The following SPRR2G variants were observed in gnomAD, a reference collection of about 807,000 sequenced individuals.
SPRR2G encodes the protein small proline rich protein 2G, also known as small proline-rich protein 2G.
SPRR2G carries 1 observed loss-of-function variant against 0.7 expected under a neutral mutation model. The ratio of observed to expected loss-of-function variants is 1.49; its 90% CI spans 0.53 to 7.06. The LOEUF is 7.06. SPRR2G is among the 30% of genes most tolerant of loss of function. The probability of loss-of-function intolerance (pLI) is 0.14; values close to 1 mark genes in which losing one functional copy is unlikely to be tolerated. For missense variants in SPRR2G, 96 were observed against 88.5 expected (o/e 1.09, Z -0.34); for synonymous variants, 38 against 33.9 (o/e 1.12, Z -0.42).
the SPRR2G span, among the ~76,000 whole-genome samples, chr1:153,179,322 G>A: frequency 5.3e-5 from 8 of 152,116 alleles, no homozygotes; most frequent in African/African-American, 1.9e-4. Flanking sequence ...ACTAGGGACT[G>A]TCATGCAGCC....
At chr1:153,155,314 T>G (rs1656560373), upstream of SPRR2G, among the ~76,000 whole-genome samples, 1 of 152,144 alleles carries the variant, frequency 6.6e-6, no homozygotes, top group Admixed American at 6.6e-5. Context: ...CCTCCAGTAT[T>G]CTCTATCCTG....
the SPRR2G span, among the ~76,000 whole-genome samples, chr1:153,192,468 G>A: frequency 6.6e-6 from 1 of 152,088 alleles, no homozygotes; most frequent in Admixed American, 6.5e-5. Context: ...AAAATTTCAA[G>A]AACAATCAAG....
the SPRR2G span, among the ~76,000 whole-genome samples, chr1:153,165,093 G>A: frequency 7.7e-4 from 118 of 152,272 alleles, no homozygotes; most frequent in African/African-American, 2.2e-3. Flanking sequence ...CCTGGCAGGA[G>A]CTGAAAATCA....
chr1:153,200,311 G>A, the SPRR2G span, among the ~76,000 whole-genome samples: 1 of 152,198 alleles, frequency 6.6e-6, no homozygotes, highest in Non-Finnish European at 1.5e-5. Context: ...TTGAGTTGGA[G>A]AAGTGGGATT....
chr1:153,171,328 T>C, the SPRR2G span, among the ~76,000 whole-genome samples: 1 of 152,188 alleles, frequency 6.6e-6, no homozygotes, highest in Non-Finnish European at 1.5e-5. Context: ...AAATAACAAT[T>C]ACAGCTACTA....
At chr1:153,177,466 A>G in the SPRR2G span, among the ~76,000 whole-genome samples, 1 of 152,182 alleles carries the variant, frequency 6.6e-6, no homozygotes. Context: ...TCATACTAGC[A>G]CTGTATGAGA....
the SPRR2G span, among the ~76,000 whole-genome samples, chr1:153,168,976 TG>T: frequency 6.6e-6 from 1 of 151,326 alleles, no homozygotes; most frequent in African/African-American, 2.4e-5. Flanking sequence ...AAATCAGCCT[TG>T]AGAAACAAAA....
chr1:153,155,347 C>T (rs1356303717), upstream of SPRR2G, among the ~76,000 whole-genome samples: 3 of 152,172 alleles, frequency 2.0e-5, no homozygotes, highest in African/African-American at 7.2e-5. Context: ...CACCCAGCTA[C>T]TTGAGTTACC....
the SPRR2G span, among the ~76,000 whole-genome samples, chr1:153,156,338 C>G: frequency 6.6e-6 from 1 of 152,200 alleles, no homozygotes; most frequent in South Asian, 2.1e-4. Flanking sequence ...AGAGCCTTGA[C>G]TATTTAGATT....
the SPRR2G span, among the ~76,000 whole-genome samples, chr1:153,188,907 A>G: frequency 6.6e-6 from 1 of 152,188 alleles, no homozygotes; most frequent in South Asian, 2.1e-4. Context: ...TAGGGACGGT[A>G]GTTCCCCACC....
At chr1:153,169,980 T>C in the SPRR2G span, among the ~76,000 whole-genome samples, 4 of 152,244 alleles carry the variant, frequency 2.6e-5, no homozygotes, top group African/African-American at 9.6e-5. Flanking sequence ...AATTTCATCA[T>C]TCTTCAGTTC....
chr1:153,167,597 G>C, the SPRR2G span, among the ~76,000 whole-genome samples: 1 of 152,150 alleles, frequency 6.6e-6, no homozygotes, highest in Non-Finnish European at 1.5e-5. Context: ...TTTTACATCT[G>C]TTTAATGATT....
chr1:153,166,630 C>A, the SPRR2G span, among the ~76,000 whole-genome samples: 1 of 152,194 alleles, frequency 6.6e-6, no homozygotes, highest in Non-Finnish European at 1.5e-5. Context: ...GTAGAAGCAA[C>A]ACATTTCACA....
the SPRR2G span, among the ~76,000 whole-genome samples, chr1:153,171,317 T>C: frequency 4.5e-4 from 69 of 152,060 alleles, no homozygotes; most frequent in Non-Finnish European, 1.2e-4. Flanking sequence ...AAAAAGAGAG[T>C]AAATAACAAT....
At chr1:153,167,248 G>A in the SPRR2G span, among the ~76,000 whole-genome samples, 800 of 152,336 alleles carry the variant, frequency 5.3e-3, 11 homozygotes, top group Middle Eastern at 0.02. Context: ...GCCAAGGCAG[G>A]CGGATCACCT....
the SPRR2G span, among the ~76,000 whole-genome samples, chr1:153,163,297 A>G: frequency 1.3e-5 from 2 of 152,210 alleles, no homozygotes; most frequent in African/African-American, 4.8e-5. Flanking sequence ...CAGACAAATT[A>G]TCTCATAGGT....
chr1:153,161,923 T>C, the SPRR2G span, among the ~76,000 whole-genome samples: 1 of 152,212 alleles, frequency 6.6e-6, no homozygotes, highest in African/African-American at 2.4e-5. Context: ...CTTCATAAAA[T>C]TAGAAGACAG....
chr1:153,164,304 G>C, the SPRR2G span, among the ~76,000 whole-genome samples: 1 of 152,174 alleles, frequency 6.6e-6, no homozygotes, highest in African/African-American at 2.4e-5. Context: ...GGACCATGAG[G>C]CCAGGAAGAG....
At chr1:153,158,048 G>A in the SPRR2G span, among the ~76,000 whole-genome samples, 1 of 152,094 alleles carries the variant, frequency 6.6e-6, no homozygotes, top group Admixed American at 6.6e-5. Flanking sequence ...TGAGATTTGG[G>A]TGGGTACACA....
Sources: gnomAD v4.1 joint callset for allele counts (sites outside exome capture counted in the v4.1 genomes callset) on GRCh38, gnomAD v4.1.1 for gene constraint, MANE v1.5 for transcripts, NCBI Gene and HGNC (gene_info 2026-07-23, HGNC 2026-07-21) for gene names.